SESTD1: variants seen among roughly 807,000 people sequenced by gnomAD.
SESTD1 encodes the protein SEC14 and spectrin domain containing 1, also known as SEC14 domain and spectrin repeat-containing protein 1.
In SESTD1, 43 loss-of-function variants were observed where a neutral mutation model predicts 101.7. That is an observed-to-expected ratio of 0.42 (90% CI 0.33 to 0.55). The LOEUF is 0.55. SESTD1 is among the 20% of genes least tolerant of loss of function. The probability of loss-of-function intolerance (pLI) is 0.07; values close to 1 mark genes in which losing one functional copy is unlikely to be tolerated. For missense variants in SESTD1, 647 were observed against 815.1 expected, an observed-to-expected ratio of 0.79 and a Z score of 2.51; for synonymous variants, 283 against 286.8, an observed-to-expected ratio of 0.99 and a Z score of 0.13.
intron 12 of SESTD1, 68 bp downstream of exon 12, chr2:179,123,647 T>C: frequency 7.8e-6 from 8 of 1,027,970 alleles, no homozygotes; most frequent in Non-Finnish European, 1.1e-5. Flanking sequence ...GACTTAATTG[T>C]CTAACCATGG....
At chr2:179,164,846 G>A (rs778254674) in intron 5 of SESTD1, among the ~76,000 whole-genome samples, 19 of 152,122 alleles carry the variant, frequency 1.2e-4, no homozygotes, top group Non-Finnish European at 2.8e-4. Flanking sequence ...TGGACAGCTG[G>A]TAATAAATCT....
chr2:179,181,991 TA>T (rs35017699), intron 3 of SESTD1, among the ~76,000 whole-genome samples: 108,477 of 139,646 alleles, frequency 0.78, 41,667 homozygotes, highest in East Asian at 0.9. Flanking sequence ...TCCACAATAT[TA>T]AAAAAAAAAA....
At chr2:179,113,996 C>G (rs181361094) in intron 16 of SESTD1, among the ~76,000 whole-genome samples, 250 of 150,804 alleles carry the variant, frequency 1.7e-3, no homozygotes, top group South Asian at 0.016. Flanking sequence ...TGGTAATGTT[C>G]TGTTTTTTTT....
At chr2:179,152,497 A>T (rs987255276) in intron 5 of SESTD1, among the ~76,000 whole-genome samples, 9 of 152,208 alleles carry the variant, frequency 5.9e-5, no homozygotes, top group Non-Finnish European at 8.8e-5. Flanking sequence ...AACTGACTTT[A>T]AAAAAATTTA....
At chr2:179,225,083 C>T (rs1462633970) in intron 1 of SESTD1, among the ~76,000 whole-genome samples, 3 of 152,130 alleles carry the variant, frequency 2.0e-5, no homozygotes, top group Non-Finnish European at 4.4e-5. Flanking sequence ...GGGACTCACC[C>T]TCAACCTGAG....
chr2:179,156,133 CGTATATATGTATATATATGTGTATATAT>C (rs2045626034), intron 5 of SESTD1, among the ~76,000 whole-genome samples: 1 of 151,024 alleles, frequency 6.6e-6, no homozygotes, highest in African/African-American at 2.4e-5. Flanking sequence ...TGTGTATATA[CGTATATATGTATATATATGTGTATATAT>C]GTATATGTGT....
chr2:179,187,632 TCAAA>T (rs777942119), intron 2 of SESTD1, among the ~76,000 whole-genome samples: 24 of 152,126 alleles, frequency 1.6e-4, no homozygotes, highest in South Asian at 4.2e-4. Context: ...AGATCCTGTC[TCAAA>T]CAAACAAACA....
intron 1 of SESTD1, among the ~76,000 whole-genome samples, chr2:179,204,587 C>T (rs2046566626): frequency 7.4e-6 from 1 of 134,848 alleles, no homozygotes; most frequent in Non-Finnish European, 1.6e-5. Context: ...TGAATCTATG[C>T]TCCCAGGTTG....
At chr2:179,203,029 G>A (rs2046541251) in intron 1 of SESTD1, among the ~76,000 whole-genome samples, 1 of 134,986 alleles carries the variant, frequency 7.4e-6, no homozygotes, top group Admixed American at 7.2e-5. Flanking sequence ...TGTCAGAGGG[G>A]GTGGGGGAGA....
rs1180402347 is a variant in SESTD1 at position 179,105,450 on chromosome 2, A to G, written c.*4449T>C. On this transcript the variant is annotated 3_prime_UTR_variant, in exon 18 of 18. Coordinates refer to ENST00000428443, the MANE Select transcript of SESTD1 (RefSeq NM_178123.5). ...TTGTTATTTACTGATGAGCTTACCA[A>G]CTGGACCTTTTGTATCTTCAGTGTG... 2.0e-5 allele frequency: 3 copies of G among 151,754 alleles called. No homozygotes were observed. 9.4% of individuals were successfully genotyped at this position (151,754 alleles called of 1,614,324 possible). A position where few individuals can be genotyped will look rare whatever the true frequency, so the allele number is the denominator to read the frequency against.
Position 179,149,840 on chromosome 2 carries a change from T to G in SESTD1, c.484-446A>C, listed in dbSNP as rs1413593145. ...TAGCATTTAAAATTAGTTATAATTTTAATGATTTCTTCAAATATTTCTGAA... is the reference window on the plus strand; with the variant it reads ...TAGCATTTAAAATTAGTTATAATTTGAATGATTTCTTCAAATATTTCTGAA... On this transcript the variant is annotated intron_variant, in intron 6 of 17. Transcript: ENST00000428443. Among the ~76,000 whole-genome samples, 2 of 152,270 alleles carry G rather than the reference T, an allele frequency of 1.3e-5. 1 individual carries two copies. The highest frequency in any genetic ancestry group is 4.8e-5 in the African/African-American group (2 of 41,470).
At chr2:179,127,286 GT>G (rs2044895788) in intron 10 of SESTD1, among the ~76,000 whole-genome samples, 1 of 152,078 alleles carries the variant, frequency 6.6e-6, no homozygotes, top group Non-Finnish European at 1.5e-5. Context: ...TCATTTCAAG[GT>G]TTCTGATTAA....
chr2:179,157,732 T>C (rs1041899714), intron 5 of SESTD1, among the ~76,000 whole-genome samples: 4 of 152,188 alleles, frequency 2.6e-5, no homozygotes, highest in Non-Finnish European at 5.9e-5. Context: ...CACTTAACAA[T>C]CATTATTTAG....
chr2:179,163,219 G>A (rs1403504349), intron 5 of SESTD1, among the ~76,000 whole-genome samples: 1 of 152,054 alleles, frequency 6.6e-6, no homozygotes, highest in Non-Finnish European at 1.5e-5. Context: ...ATTTATCAAT[G>A]AATTGAATAA....
At chr2:179,127,974 C>A (rs7608882) in intron 10 of SESTD1, among the ~76,000 whole-genome samples, 68,172 of 152,000 alleles carry the variant, frequency 0.45, 18,087 homozygotes, top group African/African-American at 0.75. Context: ...TCTTTGAAGA[C>A]GTAATAGCAA....
At chr2:179,149,442 A>G (rs2045470762) in intron 6 of SESTD1, 48 bp from the exon 7 acceptor site, 1 of 1,256,964 alleles carries the variant, frequency 8.0e-7, no homozygotes, top group African/African-American at 1.5e-5. Flanking sequence ...TTAAAAATTA[A>G]TATGTAATAA....
chr2:179,262,118 C>A (rs1326514483), intron 1 of SESTD1, among the ~76,000 whole-genome samples: 1 of 151,992 alleles, frequency 6.6e-6, no homozygotes, highest in Non-Finnish European at 1.5e-5. Context: ...CACTAAAGGC[C>A]ACATATTATG....
At chr2:179,261,085 C>A (rs1297914574) in intron 1 of SESTD1, among the ~76,000 whole-genome samples, 1 of 152,192 alleles carries the variant, frequency 6.6e-6, no homozygotes, top group Non-Finnish European at 1.5e-5. Context: ...GTTCTAGGAT[C>A]GGCTATGCTA....
intron 13 of SESTD1, 100 bp downstream of exon 13, chr2:179,121,670 C>G: frequency 1.0e-6 from 1 of 998,958 alleles, no homozygotes; most frequent in Non-Finnish European, 1.4e-6. Flanking sequence ...TTCTATATAA[C>G]AGTTAAGAAC....
Sources: allele counts gnomAD v4.1 joint callset (sites outside exome capture counted in the v4.1 genomes callset), GRCh38; gene constraint gnomAD v4.1.1; transcripts MANE v1.5; gene names NCBI Gene and HGNC (gene_info 2026-07-23, HGNC 2026-07-21).